PTPRR: variants seen among roughly 807,000 people sequenced by gnomAD.
PTPRR encodes the protein receptor-type tyrosine-protein phosphatase R.
A neutral mutation model predicts 77.2 loss-of-function variants in PTPRR; 38 were observed. The ratio of observed to expected loss-of-function variants is 0.49; its 90% CI spans 0.38 to 0.65. PTPRR has a LOEUF of 0.65. Ranked by LOEUF, PTPRR falls within the 30% of genes least tolerant of loss-of-function variation. The probability of loss-of-function intolerance (pLI) is 0.00; values close to 1 mark genes in which losing one functional copy is unlikely to be tolerated. For synonymous variants in PTPRR, 299 were observed against 283.1 expected (o/e 1.06, Z -0.57); for missense variants, 744 against 799.2 (o/e 0.93, Z 0.83).
intron 8 of PTPRR, among the ~76,000 whole-genome samples, chr12:70,685,326 G>A (rs1205667752): frequency 6.6e-6 from 1 of 152,076 alleles, no homozygotes; most frequent in Middle Eastern, 3.4e-3. Flanking sequence ...GGGGAAGAGG[G>A]AGGTTGCAAA....
intron 2 of PTPRR, among the ~76,000 whole-genome samples, chr12:70,810,640 C>T (rs188462203): frequency 4.6e-5 from 7 of 152,290 alleles, no homozygotes; most frequent in Admixed American, 2.0e-4. Flanking sequence ...GAGGTGCTTA[C>T]TGAGAAATCA....
chr12:70,898,760 G>A (rs555537890), intron 1 of PTPRR, among the ~76,000 whole-genome samples: 2 of 151,106 alleles, frequency 1.3e-5, no homozygotes, highest in South Asian at 2.1e-4. Flanking sequence ...TCATTACATT[G>A]AAAATACAGA....
rs1253227588 is a variant in PTPRR at position 70,684,734 on chromosome 12, C to T, written c.1329G>A (p.Leu443=). The change falls in exon 9 of 14, where the codon TTG becomes TTA. Residue 443 remains leucine, a synonymous_variant. Transcript: ENST00000283228. ...TATAATTAGCATTAATGTAGGTGCT[C>T]AATGAATCGGTTACATTTTTTGGTC... ...CLRPKNVTDS[L]STYINANYIR... 1 of 1,606,990 alleles carries T rather than the reference C, an allele frequency of 6.2e-7. No individual in the cohort carries two copies. Among genetic ancestry groups the T allele is most frequent in the Admixed American group, 1.7e-5 (1 of 59,494 alleles).
intron 2 of PTPRR, among the ~76,000 whole-genome samples, chr12:70,828,228 G>A (rs1471004014): frequency 6.6e-6 from 1 of 152,134 alleles, no homozygotes; most frequent in African/African-American, 2.4e-5. Flanking sequence ...CAGTGTTAAG[G>A]ACATAATAAG....
At chr12:70,872,488 G>A (rs1167880258) in intron 2 of PTPRR, among the ~76,000 whole-genome samples, 1 of 151,828 alleles carries the variant, frequency 6.6e-6, no homozygotes, top group African/African-American at 2.4e-5. Flanking sequence ...GAGGTCAGGA[G>A]ATCGAGACCA....
At chr12:70,781,854 T>C (rs1355188123) in intron 2 of PTPRR, among the ~76,000 whole-genome samples, 1 of 152,198 alleles carries the variant, frequency 6.6e-6, no homozygotes, top group Non-Finnish European at 1.5e-5. Flanking sequence ...CTCTTCCTTC[T>C]TAAGCTCCCT....
At chr12:70,883,880 C>T (rs1248175992) in intron 2 of PTPRR, among the ~76,000 whole-genome samples, 2 of 152,150 alleles carry the variant, frequency 1.3e-5, no homozygotes, top group Non-Finnish European at 2.9e-5. Flanking sequence ...CCATCTGTTC[C>T]TTCTCTGTGT....
chr12:70,782,265 C>A (rs921372309), intron 2 of PTPRR, among the ~76,000 whole-genome samples: 1 of 151,994 alleles, frequency 6.6e-6, no homozygotes, highest in Non-Finnish European at 1.5e-5. Context: ...GAATACCAAT[C>A]AAAAACTGCC....
intron 13 of PTPRR, among the ~76,000 whole-genome samples, chr12:70,651,868 T>C (rs919550163): frequency 6.6e-6 from 1 of 151,934 alleles, no homozygotes; most frequent in Non-Finnish European, 1.5e-5. Context: ...TTTGGACAAG[T>C]TACTCGCTAT....
chr12:70,682,035 T>TA, intron 10 of PTPRR, among the ~76,000 whole-genome samples: 1 of 12,400 alleles, frequency 8.1e-5, no homozygotes, highest in African/African-American at 1.2e-4. Flanking sequence ...TGTTGTTCAC[T>TA]TTTTTTTTTT....
intron 2 of PTPRR, 106 bp downstream of exon 2, chr12:70,892,573 T>G (rs546403719): frequency 7.7e-7 from 1 of 1,302,566 alleles, no homozygotes; most frequent in African/African-American, 1.5e-5. Flanking sequence ...ACATACCCGT[T>G]GGGATTCATT....
chr12:70,647,857 G>A (rs1886257430), intron 13 of PTPRR, among the ~76,000 whole-genome samples: 1 of 152,100 alleles, frequency 6.6e-6, no homozygotes, highest in Non-Finnish European at 1.5e-5. Context: ...AACAATGCTG[G>A]CCAACAGAAA....
chr12:70,688,592 G>T (rs1887952505), intron 8 of PTPRR, among the ~76,000 whole-genome samples: 1 of 152,126 alleles, frequency 6.6e-6, no homozygotes, highest in Admixed American at 6.6e-5. Context: ...CTGTTGGTGA[G>T]AATGTAAATT....
chr12:70,767,723 C>T (rs759779660), intron 2 of PTPRR, among the ~76,000 whole-genome samples: 2 of 152,114 alleles, frequency 1.3e-5, no homozygotes, highest in African/African-American at 4.8e-5. Context: ...TTTTTTTCAG[C>T]ACCACACCAC....
At chr12:70,867,895 C>T (rs930890638) in intron 2 of PTPRR, among the ~76,000 whole-genome samples, 14 of 152,102 alleles carry the variant, frequency 9.2e-5, no homozygotes, top group African/African-American at 2.9e-4. Flanking sequence ...TATCTACAAC[C>T]ATCTGATCTT....
intron 2 of PTPRR, among the ~76,000 whole-genome samples, chr12:70,785,082 A>G (rs1891294346): frequency 1.3e-5 from 2 of 152,178 alleles, no homozygotes; most frequent in Admixed American, 1.3e-4. Context: ...TGAATTCAAA[A>G]TCTCTGCTTC....
At chr12:70,735,846 A>G (rs1210932763) in intron 6 of PTPRR, among the ~76,000 whole-genome samples, 1 of 152,214 alleles carries the variant, frequency 6.6e-6, no homozygotes, top group Admixed American at 6.5e-5. Context: ...AGTGGTTGGC[A>G]GGTGGCAGGT....
At chr12:70,837,372 C>T (rs781648541) in intron 2 of PTPRR, among the ~76,000 whole-genome samples, 2 of 152,128 alleles carry the variant, frequency 1.3e-5, no homozygotes, top group Non-Finnish European at 2.9e-5. Flanking sequence ...ATCAGCTAGT[C>T]TGACAGAAAA....
chr12:70,892,602 G>A, intron 2 of PTPRR, 77 bp downstream of exon 2: 4 of 1,500,624 alleles, frequency 2.7e-6, no homozygotes, highest in Non-Finnish European at 3.6e-6. Flanking sequence ...TTCACAATCA[G>A]TGTTTTTCTT....
Sources: allele counts gnomAD v4.1 joint callset (sites outside exome capture counted in the v4.1 genomes callset), GRCh38; gene constraint gnomAD v4.1.1; transcripts MANE v1.5; gene names NCBI Gene and HGNC (gene_info 2026-07-23, HGNC 2026-07-21).